Variants in STX17 observed in about 807,000 individuals in gnomAD.
STX17 encodes the protein syntaxin-17.
A neutral mutation model predicts 35.9 loss-of-function variants in STX17; 29 were observed. The observed-to-expected ratio is 0.81, with a 90% CI of 0.60 to 1.10. The LOEUF is 1.10. STX17 is among the 50% of genes least tolerant of loss of function. STX17 has a pLI of 0.00. For synonymous variants in STX17, 92 were observed against 118.3 expected (o/e 0.78, Z 1.44); for missense variants, 312 against 352.3 (o/e 0.89, Z 0.92).
intron 3 of STX17, among the ~76,000 whole-genome samples, chr9:99,942,546 G>A (rs796337442): frequency 2.0e-5 from 3 of 152,158 alleles, no homozygotes; most frequent in Admixed American, 6.5e-5. Context: ...GAGTGCAGTG[G>A]CGCAATCATA....
At chr9:99,928,530 C>A (rs994358899) in intron 2 of STX17, among the ~76,000 whole-genome samples, 3 of 152,020 alleles carry the variant, frequency 2.0e-5, no homozygotes, top group Admixed American at 6.6e-5. Flanking sequence ...TACTCTTTTT[C>A]AGTAAAATAA....
chr9:99,951,042 GA>G lies in STX17; in HGVS notation c.190-17del. The G allele has an allele frequency of 6.3e-7, 1 of 1,583,482 alleles. No individual in the cohort carries two copies. Among genetic ancestry groups the G allele is most frequent in the East Asian group, 2.2e-5 (1 of 44,546 alleles). On this transcript the variant is annotated splice_polypyrimidine_tract_variant and intron_variant, in intron 3 of 7. Coordinates refer to ENST00000259400, the MANE Select transcript of STX17 (RefSeq NM_017919.3). ...TATACTAAGAAATGGTGGCATTAAT[GA>G]TTTTTTTCTTTTATAGCAACTCCGA...
chr9:99,941,994 A>G (rs1829375042), intron 3 of STX17, among the ~76,000 whole-genome samples: 1 of 152,156 alleles, frequency 6.6e-6, no homozygotes, highest in Admixed American at 6.5e-5. Context: ...CTAGGACAGG[A>G]ATTGTTGGTT....
intron 1 of STX17, among the ~76,000 whole-genome samples, chr9:99,910,899 T>C (rs1828647165): frequency 6.6e-6 from 1 of 152,174 alleles, no homozygotes; most frequent in East Asian, 1.9e-4. Flanking sequence ...TATTTAGAAA[T>C]GGAGGTCTCA....
At chr9:99,968,088 C>A (rs1327393008) in intron 7 of STX17, among the ~76,000 whole-genome samples, 2 of 152,182 alleles carry the variant, frequency 1.3e-5, no homozygotes, top group Non-Finnish European at 2.9e-5. Flanking sequence ...CCCAGGCACA[C>A]AGCACTGAAT....
chr9:99,940,918 T>TC (rs1466772445), intron 3 of STX17, among the ~76,000 whole-genome samples: 1 of 152,226 alleles, frequency 6.6e-6, no homozygotes, highest in Non-Finnish European at 1.5e-5. Context: ...ATCCTAGTGT[T>TC]CCTTCTAACT....
In STX17 at chr9:99,913,737, C is replaced by T. The variant is rs149412369; in HGVS notation, c.-62-1441C>T. ...TTCACTGTTGCACCTGTTTTACCCT[C>T]TTTGTTTTTGTACCTGGAGATTTTC... is the stretch of plus-strand genomic sequence containing the variant. On this transcript the variant is annotated intron_variant, in intron 1 of 7. Transcript: ENST00000259400. Among the ~76,000 whole-genome samples, 1,094 of 152,140 alleles carry T rather than the reference C, an allele frequency of 7.2e-3. 15 individuals are homozygous for T. Among genetic ancestry groups the T allele is most frequent in the African/African-American group, 0.025 (1,048 of 41,502 alleles).
intron 2 of STX17, among the ~76,000 whole-genome samples, chr9:99,927,535 G>A (rs1041116453): frequency 7.1e-6 from 1 of 141,150 alleles, no homozygotes; most frequent in African/African-American, 2.5e-5. Flanking sequence ...GTGCAGTGTG[G>A]CACGATCTTG....
intron 4 of STX17, 147 bp downstream of exon 4, chr9:99,951,432 T>A: frequency 1.4e-6 from 1 of 697,266 alleles, no homozygotes; most frequent in Non-Finnish European, 2.3e-6. Flanking sequence ...TGATCAGTGT[T>A]CCTGGAAATG....
Position 99,969,779 on chromosome 9 carries a change from A to T in STX17, c.*1106A>T, listed in dbSNP as rs763699013. The stretch of plus-strand genomic sequence containing the variant: ...CTTTTCCCCAGACTTTTTATCTCCT[A>T]TGCATCCCTTTGCTTTCTATAGCTG... On this transcript the variant is annotated 3_prime_UTR_variant, in exon 8 of 8. Transcript: ENST00000259400. 10 of 152,492 alleles carry T rather than the reference A, an allele frequency of 6.6e-5. No homozygotes were observed. Among genetic ancestry groups the T allele is most frequent in the Admixed American group, 2.0e-4 (3 of 15,234 alleles). 9.4% of individuals were successfully genotyped at this position (152,492 alleles called of 1,614,324 possible). A position where few individuals can be genotyped will look rare whatever the true frequency, so the allele number is the denominator to read the frequency against.
chr9:99,956,115 G>A (rs1338377649), intron 4 of STX17, among the ~76,000 whole-genome samples: 5 of 152,070 alleles, frequency 3.3e-5, no homozygotes, highest in Admixed American at 6.6e-5. Context: ...GGTTTTTTAT[G>A]GAAGAGCACA....
intron 3 of STX17, among the ~76,000 whole-genome samples, chr9:99,941,490 T>A (rs948185038): frequency 7.9e-5 from 12 of 152,192 alleles, no homozygotes; most frequent in African/African-American, 2.4e-4. Flanking sequence ...ATTTACGTAT[T>A]CTAAAAAATG....
chr9:99,936,385 A>G (rs1445011876), intron 3 of STX17, among the ~76,000 whole-genome samples: 4 of 152,152 alleles, frequency 2.6e-5, no homozygotes, highest in African/African-American at 9.7e-5. Context: ...CACCCTTCTA[A>G]TTAAGTCTGT....
chr9:99,961,137 A>G (rs1488827176), intron 6 of STX17, among the ~76,000 whole-genome samples: 1 of 152,224 alleles, frequency 6.6e-6, no homozygotes, highest in Non-Finnish European at 1.5e-5. Flanking sequence ...TTTGAATGCC[A>G]TGCTAAAGAA....
chr9:99,965,889 CTA>C (rs1829903026), intron 6 of STX17, among the ~76,000 whole-genome samples: 1 of 152,172 alleles, frequency 6.6e-6, no homozygotes, highest in Non-Finnish European at 1.5e-5. Flanking sequence ...CACTTCAACT[CTA>C]TGAAGGTATA....
At chr9:99,937,267 T>G (rs574082596) in intron 3 of STX17, among the ~76,000 whole-genome samples, 2 of 152,196 alleles carry the variant, frequency 1.3e-5, no homozygotes, top group African/African-American at 2.4e-5. Context: ...TTGAATTTAT[T>G]GAGCTTCTTG....
intron 2 of STX17, among the ~76,000 whole-genome samples, chr9:99,918,594 T>C (rs1828828840): frequency 6.6e-6 from 1 of 152,086 alleles, no homozygotes; most frequent in Admixed American, 6.5e-5. Flanking sequence ...TTTCTTCTGT[T>C]TCAGCATATA....
rs1270068952 is a variant in STX17 at position 99,966,149 on chromosome 9, G to A, written c.583-1504G>A. 4.6e-5 allele frequency among the ~76,000 whole-genome samples: 7 copies of A among 152,178 alleles called. No homozygotes were observed. The East Asian group carries it at 5.8e-4, about 13-fold the overall frequency. ...CCAGGCCTACTGGATCAGAAACTCC[G>A]GGGATTAGGCCCAGCAATCTGTGTT... On this transcript the variant is annotated intron_variant, in intron 6 of 7. Transcript: ENST00000259400.
In STX17 at chr9:99,968,539, GC is replaced by G; in HGVS notation, c.776del (p.Ala259GlufsTer16). 6.2e-7 allele frequency: 1 copy of G among 1,613,728 alleles called. No individual in the cohort carries two copies. The highest frequency in any genetic ancestry group is 8.5e-7 in the Non-Finnish European group (1 of 1,179,846). On this transcript the variant is annotated frameshift_variant, in exon 8 of 8. Coordinates refer to ENST00000259400, the MANE Select transcript of STX17 (RefSeq NM_017919.3). LOFTEE classifies it high-confidence loss of function. The part of the protein sequence containing the change: ...LLAGFKVAGI[A>X]AALGGGVLGF... ...TGCAGGCTTCAAAGTGGCAGGAATT[GC>G]AGCTGCACTTGGTGGTGGGGTGTTG...
Sources: allele counts gnomAD v4.1 joint callset (sites outside exome capture counted in the v4.1 genomes callset), GRCh38; gene constraint gnomAD v4.1.1; transcripts MANE v1.5; gene names NCBI Gene and HGNC (gene_info 2026-07-23, HGNC 2026-07-21).